MROH9: variants seen among roughly 807,000 people sequenced by gnomAD.
MROH9 encodes maestro heat like repeat family member 9.
In MROH9, 92 loss-of-function variants were observed where a neutral mutation model predicts 98.2. The observed-to-expected ratio is 0.94, with a 90% CI of 0.79 to 1.11. MROH9 has a LOEUF of 1.11. MROH9 is among the 50% of genes most tolerant of loss of function. The pLI is 0.00. For missense variants in MROH9, 1,057 were observed against 1,014.8 expected, an observed-to-expected ratio of 1.04 and a Z score of -0.57; for synonymous variants, 397 against 368.9, an observed-to-expected ratio of 1.08 and a Z score of -0.87.
At chr1:171,025,223 T>C (rs992300514) in intron 19 of MROH9, 95 bp from the exon 20 acceptor site, 1 of 685,448 alleles carries the variant, frequency 1.5e-6, no homozygotes, top group Non-Finnish European at 2.5e-6. Context: ...AATTTCTAAT[T>C]TGGTCCTGAT....
Position 170,998,205 on chromosome 1 carries a change from C to A in MROH9, c.1527C>A (p.Leu509=). Residue 509 remains leucine (L), a synonymous_variant, in exon 15 of 22, where the codon CTC becomes CTA. Coordinates refer to ENST00000367759, the MANE Select transcript of MROH9 (RefSeq NM_001163629.2). ...AGTTTCCGGAGACCCTGAGTTATCTCTATAAGCTCTCAGTAGAAGGTCCTA... is the reference window on the plus strand; with the variant it reads ...AGTTTCCGGAGACCCTGAGTTATCTATATAAGCTCTCAGTAGAAGGTCCTA... ...FPQFPETLSY[L]YKLSVEGPRR... is the part of the protein sequence containing the mutation. The A allele has an allele frequency of 6.2e-7, 1 of 1,613,160 alleles. No individual in the cohort carries two copies. The highest frequency in any genetic ancestry group is 8.5e-7 in the Non-Finnish European group (1 of 1,179,452).
At chr1:170,996,240 C>G (rs1350365493) in intron 13 of MROH9, among the ~76,000 whole-genome samples, 2 of 152,140 alleles carry the variant, frequency 1.3e-5, no homozygotes, top group African/African-American at 2.4e-5. Flanking sequence ...TTCAAATTAT[C>G]TATTGCAAAT....
At chr1:170,958,590 AATGTT>A (rs781206871) in intron 4 of MROH9, 50 bp downstream of exon 4, 1 of 1,219,694 alleles carries the variant, frequency 8.2e-7, no homozygotes, top group Non-Finnish European at 1.1e-6. Flanking sequence ...ATGCATTTAA[AATGTT>A]ATATCTTTAA....
intron 8 of MROH9, among the ~76,000 whole-genome samples, chr1:170,979,607 T>C (rs1650849760): frequency 6.6e-6 from 1 of 152,170 alleles, no homozygotes; most frequent in Admixed American, 6.5e-5. Flanking sequence ...TAGGCAAAGA[T>C]TTCTTAGATA....
At chr1:170,996,308 C>T (rs1651563884) in intron 13 of MROH9, among the ~76,000 whole-genome samples, 199 bp from the exon 14 acceptor site, 1 of 152,066 alleles carries the variant, frequency 6.6e-6, no homozygotes, top group African/African-American at 2.4e-5. Flanking sequence ...TTTTGTGTGC[C>T]ACAATTTTAA....
At chr1:171,014,582 G>A (rs1009135428) in intron 16 of MROH9, among the ~76,000 whole-genome samples, 5 of 151,400 alleles carry the variant, frequency 3.3e-5, no homozygotes, top group African/African-American at 9.7e-5. Flanking sequence ...ATACACTCAT[G>A]TGTACACACT....
intron 3 of MROH9, among the ~76,000 whole-genome samples, chr1:170,956,660 C>T (rs1215005164): frequency 5.8e-5 from 8 of 138,020 alleles, no homozygotes; most frequent in African/African-American, 1.1e-4. Flanking sequence ...TCCCCTTGGT[C>T]GCTGTTGGTA....
chr1:170,973,655 C>T (rs932359391), intron 8 of MROH9, among the ~76,000 whole-genome samples: 2 of 152,148 alleles, frequency 1.3e-5, no homozygotes, highest in Non-Finnish European at 2.9e-5. Flanking sequence ...GCGGGCAGAT[C>T]ACCTGAGGTC....
At chr1:170,948,026 A>AT (rs1649401944) in intron 3 of MROH9, among the ~76,000 whole-genome samples, 1 of 151,576 alleles carries the variant, frequency 6.6e-6, no homozygotes, top group Non-Finnish European at 1.5e-5. Context: ...CATTTATCTT[A>AT]TTTTCTAGGC....
chr1:170,982,004 T>C (rs1195708127), intron 8 of MROH9, among the ~76,000 whole-genome samples: 1 of 152,188 alleles, frequency 6.6e-6, no homozygotes, highest in African/African-American at 2.4e-5. Flanking sequence ...TGTAAAATGG[T>C]ATAACAACTT....
chr1:170,947,092 T>A (rs1187166458), intron 2 of MROH9, among the ~76,000 whole-genome samples: 1 of 152,054 alleles, frequency 6.6e-6, no homozygotes, highest in East Asian at 1.9e-4. Context: ...CACTTGGTAC[T>A]GACTTTTTTA....
chr1:170,959,981 T>C (rs1465942439), intron 5 of MROH9, among the ~76,000 whole-genome samples: 1 of 152,194 alleles, frequency 6.6e-6, no homozygotes, highest in Non-Finnish European at 1.5e-5. Flanking sequence ...GTGAACTTGC[T>C]CTATAAGCTA....
intron 15 of MROH9, among the ~76,000 whole-genome samples, chr1:171,012,652 G>A (rs559087135): frequency 1.3e-5 from 2 of 151,876 alleles, no homozygotes; most frequent in Admixed American, 6.6e-5. Context: ...ACAGGTGCCT[G>A]CCACCACGCC....
At chr1:171,024,851 T>A (rs961678478) in intron 19 of MROH9, 86 bp downstream of exon 19, 9 of 769,242 alleles carry the variant, frequency 1.2e-5, no homozygotes, top group Non-Finnish European at 1.9e-5. Context: ...GTAATGGGGA[T>A]AAGAGTGGAT....
intron 6 of MROH9, among the ~76,000 whole-genome samples, chr1:170,964,863 C>T (rs1433368915): frequency 1.3e-5 from 2 of 151,998 alleles, no homozygotes; most frequent in African/African-American, 2.4e-5. Flanking sequence ...CATGTCATAG[C>T]TTCGTACTGA....
chr1:170,963,575 A>G (rs1041685804), intron 6 of MROH9, among the ~76,000 whole-genome samples: 3 of 152,174 alleles, frequency 2.0e-5, no homozygotes, highest in African/African-American at 7.2e-5. Flanking sequence ...AAGACATGGA[A>G]TCAACCTAAA....
chr1:171,055,588 C>CTCCA (rs934101354), intron 20 of MROH9, among the ~76,000 whole-genome samples: 1 of 143,950 alleles, frequency 6.9e-6, no homozygotes, highest in Non-Finnish European at 1.5e-5. Flanking sequence ...CTCCACTGCA[C>CTCCA]TCCAGTTTGG....
chr1:171,028,278 T>C (rs1229347549), intron 20 of MROH9, among the ~76,000 whole-genome samples: 3 of 152,226 alleles, frequency 2.0e-5, no homozygotes, highest in Non-Finnish European at 2.9e-5. Context: ...ATTTACTGAA[T>C]AGGAGATCCT....
rs1650463810 is a variant in MROH9 at position 170,971,739 on chromosome 1, C to T, written c.481-9C>T. ...AGCAAATGCATGTTCTCCTTTGTTT[C>T]TCCATTAGATAAGTGTTGATGCTCC... On this transcript the variant is annotated splice_polypyrimidine_tract_variant and intron_variant, in intron 7 of 21. Coordinates refer to ENST00000367759, the MANE Select transcript of MROH9 (RefSeq NM_001163629.2). The T allele has an allele frequency of 6.2e-7, 1 of 1,613,622 alleles. No homozygotes were observed. The highest frequency in any genetic ancestry group is 8.5e-7 in the Non-Finnish European group (1 of 1,179,654).
Sources: allele counts gnomAD v4.1 joint callset (sites outside exome capture counted in the v4.1 genomes callset), GRCh38; gene constraint gnomAD v4.1.1; transcripts MANE v1.5; gene names NCBI Gene and HGNC (gene_info 2026-07-23, HGNC 2026-07-21).